The following CSMD2 variants were observed in gnomAD, a reference collection of about 807,000 sequenced individuals.
CSMD2 encodes the protein CUB and Sushi multiple domains 2.
Under a neutral mutation model 398.5 loss-of-function variants are expected in CSMD2, and 130 were observed. The ratio of observed to expected loss-of-function variants is 0.33; its 90% CI spans 0.28 to 0.38. The LOEUF is 0.38. CSMD2 is among the 10% of genes least tolerant of loss of function. The pLI, the probability that CSMD2 is intolerant of heterozygous loss-of-function variation, is 1.00. For missense variants in CSMD2, 3,829 were observed against 4,764.9 expected (o/e 0.80, Z 5.78); for synonymous variants, 1,828 against 1,908.5 (o/e 0.96, Z 1.10).
At chr1:33,981,298 T>C (rs1335093636) in intron 3 of CSMD2, among the ~76,000 whole-genome samples, 1 of 152,176 alleles carries the variant, frequency 6.6e-6, no homozygotes, top group African/African-American at 2.4e-5. Flanking sequence ...GCCCCAGCTG[T>C]TCATAAGCAC....
intron 26 of CSMD2, among the ~76,000 whole-genome samples, chr1:33,661,685 T>G (rs1310969641): frequency 6.6e-6 from 1 of 152,202 alleles, no homozygotes; most frequent in East Asian, 1.9e-4. Flanking sequence ...TTTATAAGTA[T>G]AAAGCAATGT....
chr1:33,925,410 T>G (rs1166475355), intron 4 of CSMD2, among the ~76,000 whole-genome samples: 4 of 152,228 alleles, frequency 2.6e-5, no homozygotes, highest in African/African-American at 9.6e-5. Flanking sequence ...TCTGTGTCTG[T>G]TTTTATACTA....
At chr1:33,866,913 G>T (rs1640079362) in intron 5 of CSMD2, among the ~76,000 whole-genome samples, 1 of 152,226 alleles carries the variant, frequency 6.6e-6, no homozygotes, top group African/African-American at 2.4e-5. Context: ...ATTAACTGAG[G>T]TAATACATGT....
At chr1:33,583,084 G>A (rs1638841989) in intron 47 of CSMD2, among the ~76,000 whole-genome samples, 1 of 152,200 alleles carries the variant, frequency 6.6e-6, no homozygotes, top group Admixed American at 6.5e-5. Context: ...CTCTATTGAG[G>A]ACATCATATT....
At chr1:33,789,956 C>T (rs1302996948) in intron 11 of CSMD2, among the ~76,000 whole-genome samples, 1 of 152,220 alleles carries the variant, frequency 6.6e-6, no homozygotes, top group Non-Finnish European at 1.5e-5. Context: ...GGTTGAGCCT[C>T]TCTGGGCTTT....
intron 55 of CSMD2, among the ~76,000 whole-genome samples, chr1:33,554,344 C>A (rs1004355576): frequency 6.6e-6 from 1 of 152,014 alleles, no homozygotes. Context: ...CAGGTGCACA[C>A]CACCACGCCT....
At chr1:33,553,843 G>A (rs1446216787) in intron 55 of CSMD2, among the ~76,000 whole-genome samples, 4 of 152,008 alleles carry the variant, frequency 2.6e-5, no homozygotes, top group Admixed American at 1.3e-4. Flanking sequence ...GTTTAGCATC[G>A]TCCTTGGCAT....
chr1:34,150,887 T>C (rs1166616595), intron 1 of CSMD2, among the ~76,000 whole-genome samples: 1 of 151,878 alleles, frequency 6.6e-6, no homozygotes, highest in Non-Finnish European at 1.5e-5. Context: ...ACCACTGCAC[T>C]CCAGCCTGGG....
intron 1 of CSMD2, among the ~76,000 whole-genome samples, chr1:34,151,044 T>C (rs1236086377): frequency 1.3e-5 from 2 of 152,216 alleles, no homozygotes; most frequent in African/African-American, 2.4e-5. Context: ...TAAGTCTTTG[T>C]CTAGCTGCTC....
intron 5 of CSMD2, among the ~76,000 whole-genome samples, chr1:33,890,147 T>C (rs1053650054): frequency 6.6e-6 from 1 of 151,984 alleles, no homozygotes. Context: ...GCTTTATGTT[T>C]ACAATGGAAA....
Position 33,572,558 on chromosome 1 carries a change from C to A in CSMD2, c.7710G>T (p.Glu2570Asp). 6.2e-7 allele frequency: 1 copy of A among 1,614,104 alleles called. No individual in the cohort carries two copies. The highest frequency in any genetic ancestry group is 8.5e-7 in the Non-Finnish European group (1 of 1,179,998). The change falls in exon 50 of 71, where the codon GAG becomes GAT. Residue 2570 changes from glutamate to aspartate, a missense_variant. This residue lies in a region of CSMD2 where 723 missense variants were observed against 758.6 expected (regional missense o/e 0.95). Transcript: ENST00000373381. ...HLQAGAEATA[E>D]CLDTGLWSNR... is the part of the protein sequence containing the mutation. The stretch of plus-strand genomic sequence containing the variant: ...TGCTCCATAGGCCTGTGTCCAGACA[C>A]TCTGCAGTGGCCTCAGCGCCTGCCT...
At chr1:33,724,370 G>T in intron 18 of CSMD2, 57 bp from the exon 19 acceptor site, 1 of 1,505,910 alleles carries the variant, frequency 6.6e-7, no homozygotes. Flanking sequence ...GAGCACCCCC[G>T]TCATCCTCCT....
chr1:34,089,222 A>G (rs746073321), intron 1 of CSMD2, 29 bp from the exon 2 acceptor site: 6 of 1,589,748 alleles, frequency 3.8e-6, no homozygotes, highest in Non-Finnish European at 5.2e-6. Context: ...GCAGTTCAGA[A>G]TAGCCAGAAT....
chr1:34,122,259 C>T (rs1489364798), intron 1 of CSMD2, among the ~76,000 whole-genome samples: 2 of 152,070 alleles, frequency 1.3e-5, no homozygotes, highest in Non-Finnish European at 2.9e-5. Context: ...CAGTGTCCAG[C>T]CCAAAATGCC....
chr1:34,098,633 A>G (rs1349773891), intron 1 of CSMD2, among the ~76,000 whole-genome samples: 1 of 151,694 alleles, frequency 6.6e-6, no homozygotes, highest in African/African-American at 2.4e-5. Context: ...TAATGCACAT[A>G]AAAATGGAAA....
chr1:33,659,117 A>C (rs1413810588), intron 26 of CSMD2, among the ~76,000 whole-genome samples: 1 of 152,248 alleles, frequency 6.6e-6, no homozygotes, highest in African/African-American at 2.4e-5. Flanking sequence ...GATATATTAA[A>C]AATTCAAAAT....
chr1:34,104,554 T>C (rs1391138501), intron 1 of CSMD2, among the ~76,000 whole-genome samples: 2 of 152,152 alleles, frequency 1.3e-5, no homozygotes, highest in Admixed American at 1.3e-4. Context: ...GGACTGGGGA[T>C]ATGGATTTGT....
intron 10 of CSMD2, among the ~76,000 whole-genome samples, chr1:33,801,202 T>C (rs77286428): frequency 0.026 from 3,950 of 152,198 alleles, 159 homozygotes; most frequent in African/African-American, 0.088. Flanking sequence ...CCATCCTCAC[T>C]CTCCATCTCT....
At chr1:33,645,368 CACACACACACACACACACACACACAT>C (rs1391450539) in intron 29 of CSMD2, among the ~76,000 whole-genome samples, 3 of 151,030 alleles carry the variant, frequency 2.0e-5, no homozygotes, top group African/African-American at 7.4e-5. Context: ...CACACACACA[CACACACACACACACACACACACACAT>C]ATATAAAATA....
Sources: gnomAD v4.1 joint callset for allele counts (sites outside exome capture counted in the v4.1 genomes callset) on GRCh38, gnomAD v4.1.1 for gene constraint, gnomAD v4.1.1 regional missense constraint, MANE v1.5 for transcripts, NCBI Gene and HGNC (gene_info 2026-07-23, HGNC 2026-07-21) for gene names.